The following DOCK2 variants were observed in gnomAD, a reference collection of about 807,000 sequenced individuals.
DOCK2 encodes dedicator of cytokinesis 2, also known as dedicator of cytokinesis protein 2.
DOCK2 carries 87 observed loss-of-function variants against 248.9 expected under a neutral mutation model. That is an observed-to-expected ratio of 0.35 (90% CI 0.29 to 0.42). The LOEUF is 0.42. Among genes scored for constraint, DOCK2 ranks in the 10% least tolerant of loss-of-function variants. DOCK2 has a pLI of 1.00. For synonymous variants in DOCK2, 805 were observed against 821.6 expected (o/e 0.98, Z 0.35); for missense variants, 1,747 against 2,300.2 (o/e 0.76, Z 4.92).
chr5:169,787,713 T>G (rs1329346458), intron 25 of DOCK2, among the ~76,000 whole-genome samples: 2 of 151,830 alleles, frequency 1.3e-5, no homozygotes, highest in African/African-American at 4.8e-5. Context: ...TTGCTTTTTT[T>G]TTTTTTTTGC....
At chr5:169,786,158 C>A (rs945910621) in intron 25 of DOCK2, among the ~76,000 whole-genome samples, 1 of 152,122 alleles carries the variant, frequency 6.6e-6, no homozygotes, top group African/African-American at 2.4e-5. Context: ...TTAATTCAGA[C>A]CTACTGCTAA....
At chr5:169,753,035 A>C (rs1184493896) in intron 23 of DOCK2, among the ~76,000 whole-genome samples, 1 of 151,864 alleles carries the variant, frequency 6.6e-6, no homozygotes, top group African/African-American at 2.4e-5. Context: ...ATTGCACTCC[A>C]GCCTGGCGAC....
At chr5:170,001,510 C>T (rs1057232919) in intron 30 of DOCK2, among the ~76,000 whole-genome samples, 1 of 152,122 alleles carries the variant, frequency 6.6e-6, no homozygotes, top group Admixed American at 6.5e-5. Context: ...CCACCTTCAC[C>T]GTTTTGTAGC....
At chr5:169,962,683 G>A (rs190713305) in intron 27 of DOCK2, among the ~76,000 whole-genome samples, 1 of 152,168 alleles carries the variant, frequency 6.6e-6, no homozygotes, top group Admixed American at 6.5e-5. Context: ...ATGACATATT[G>A]GAAAATACGG....
At chr5:169,825,429 A>C (rs1768779751) in intron 26 of DOCK2, among the ~76,000 whole-genome samples, 1 of 151,164 alleles carries the variant, frequency 6.6e-6, no homozygotes, top group Non-Finnish European at 1.5e-5. Flanking sequence ...ACCGTGGAAT[A>C]CTATGCAGCC....
chr5:170,016,818 G>A (rs1032905041), intron 32 of DOCK2, among the ~76,000 whole-genome samples: 2 of 152,140 alleles, frequency 1.3e-5, no homozygotes, highest in African/African-American at 4.8e-5. Context: ...CTCCACTGTG[G>A]TTTGAAAAAG....
At chr5:169,809,525 G>T (rs754708737) in intron 26 of DOCK2, among the ~76,000 whole-genome samples, 18 of 152,148 alleles carry the variant, frequency 1.2e-4, no homozygotes, top group African/African-American at 4.1e-4. Context: ...GGACTTCCTT[G>T]TCTGTGTTTT....
At position 169,794,985 on chromosome 5, in the gene DOCK2, A is replaced by G. The variant is rs191949462; in HGVS notation, c.2555-8073A>G. On this transcript the variant is annotated intron_variant, in intron 25 of 51. Coordinates refer to ENST00000520908, the MANE Select transcript of DOCK2 (RefSeq NM_004946.3). ...CAAGGTGTGTGGATTGCTTAAGCCC[A>G]GGAGTTTGAGACCAGCCTGCAACAT... 1.8e-3 allele frequency among the ~76,000 whole-genome samples: 275 copies of G among 152,286 alleles called. 2 individuals are homozygous for G. The highest frequency in any genetic ancestry group is 3.4e-3 in the Middle Eastern group (1 of 294).
At chr5:169,889,387 T>C (rs1162730452) in intron 27 of DOCK2, among the ~76,000 whole-genome samples, 2 of 152,214 alleles carry the variant, frequency 1.3e-5, no homozygotes, top group African/African-American at 4.8e-5. Flanking sequence ...CTGTAATAAA[T>C]ACTGTGGAGA....
intron 13 of DOCK2, 171 bp from the exon 14 acceptor site, chr5:169,702,132 C>T: frequency 3.1e-6 from 2 of 652,248 alleles, no homozygotes; most frequent in South Asian, 2.9e-5. Context: ...GTGTTACCTA[C>T]TTCTCCAGCC....
At chr5:169,770,572 T>C (rs1435755287) in intron 25 of DOCK2, among the ~76,000 whole-genome samples, 3 of 152,158 alleles carry the variant, frequency 2.0e-5, no homozygotes, top group African/African-American at 7.2e-5. Context: ...AGCACTGAGA[T>C]TACAAGCATG....
In DOCK2 at chr5:169,898,765, T is replaced by C. The variant is rs961721310; in HGVS notation, c.2799+57913T>C. ...AGCCTGAAAGCACACATGGGCAATA[T>C]GTAAATGAACAAGCATAGTGATATT... On this transcript the variant is annotated intron_variant, in intron 27 of 51. Coordinates refer to ENST00000520908, the MANE Select transcript of DOCK2 (RefSeq NM_004946.3). Among the ~76,000 whole-genome samples the C allele has an allele frequency of 2.0e-5, 3 of 152,170 alleles. No homozygotes were observed. In the South Asian group the frequency reaches 6.2e-4, roughly 32 times the overall value.
intron 2 of DOCK2, among the ~76,000 whole-genome samples, chr5:169,664,903 A>G (rs1306961021): frequency 6.6e-6 from 1 of 152,074 alleles, no homozygotes; most frequent in Non-Finnish European, 1.5e-5. Flanking sequence ...ACAAGAAAGA[A>G]AAAGCACTCT....
intron 1 of DOCK2, among the ~76,000 whole-genome samples, chr5:169,649,169 A>G (rs1212176709): frequency 6.6e-6 from 1 of 152,228 alleles, no homozygotes; most frequent in Admixed American, 6.5e-5. Context: ...GGGCAATTAC[A>G]TTCTTTCTCC....
chr5:169,733,879 T>A (rs78314639), intron 22 of DOCK2, among the ~76,000 whole-genome samples: 1 of 152,170 alleles, frequency 6.6e-6, no homozygotes, highest in Non-Finnish European at 1.5e-5. Flanking sequence ...ATGATTTTGT[T>A]GATGTTGCTA....
chr5:169,747,635 T>A (rs1381395356), intron 23 of DOCK2, 131 bp downstream of exon 23: 1 of 703,608 alleles, frequency 1.4e-6, no homozygotes, highest in Admixed American at 3.3e-5. Context: ...GGCCACTAGG[T>A]TAAAGACCAA....
chr5:170,043,128 C>T (rs1340365050), intron 38 of DOCK2, among the ~76,000 whole-genome samples: 2 of 152,232 alleles, frequency 1.3e-5, no homozygotes, highest in East Asian at 1.9e-4. Context: ...AGCCCCAAAA[C>T]TGCCATGCAC....
At position 169,966,298 on chromosome 5, in the gene DOCK2, G is replaced by A. The variant is rs111762548; in HGVS notation, c.2800-16770G>A. 1.1e-4 allele frequency among the ~76,000 whole-genome samples: 16 copies of A among 152,200 alleles called. No homozygotes were observed. In the East Asian group the frequency reaches 2.3e-3, roughly 22 times the overall value. ...GTACAGTAAGATTATTTTGGGGGGC[G>A]GGGGTTGAGGAAATGGCATGACTCA... On this transcript the variant is annotated intron_variant, in intron 27 of 51. Coordinates refer to ENST00000520908, the MANE Select transcript of DOCK2 (RefSeq NM_004946.3).
intron 1 of DOCK2, among the ~76,000 whole-genome samples, chr5:169,650,059 T>C (rs997490709): frequency 3.9e-5 from 6 of 152,144 alleles, no homozygotes; most frequent in African/African-American, 1.4e-4. Flanking sequence ...CTGCCTCCCC[T>C]AGTGTTGGGA....
Sources: allele counts gnomAD v4.1 joint callset (sites outside exome capture counted in the v4.1 genomes callset), GRCh38; gene constraint gnomAD v4.1.1; transcripts MANE v1.5; gene names NCBI Gene and HGNC (gene_info 2026-07-23, HGNC 2026-07-21).